The following MIPOL1 variants were observed in gnomAD, a reference collection of about 807,000 sequenced individuals.
MIPOL1 encodes mirror-image polydactyly 1.
In MIPOL1, 57 loss-of-function variants were observed where a neutral mutation model predicts 60.9. The ratio of observed to expected loss-of-function variants is 0.94; its 90% confidence interval spans 0.76 to 1.17. The LOEUF is 1.17. MIPOL1 is among the 50% of genes most tolerant of loss of function. The pLI, the probability that MIPOL1 is intolerant of heterozygous loss-of-function variation, is 0.00. For missense variants in MIPOL1, 551 were observed against 511.6 expected (o/e 1.08, Z -0.74); for synonymous variants, 179 against 168.8 (o/e 1.06, Z -0.47).
intron 7 of MIPOL1, among the ~76,000 whole-genome samples, chr14:37,296,949 G>A (rs150360677): frequency 0.028 from 4,309 of 152,088 alleles, 211 homozygotes; most frequent in African/African-American, 0.094. Flanking sequence ...TCCCTAACTC[G>A]TTTTATGAGG....
chr14:37,326,136 G>C (rs892963987), intron 9 of MIPOL1, among the ~76,000 whole-genome samples: 12 of 152,152 alleles, frequency 7.9e-5, no homozygotes, highest in African/African-American at 2.4e-4. Flanking sequence ...AATAGACTCT[G>C]ATACAGAGTA....
At chr14:37,432,329 G>A (rs560398626) in intron 11 of MIPOL1, among the ~76,000 whole-genome samples, 1 of 152,144 alleles carries the variant, frequency 6.6e-6, no homozygotes, top group South Asian at 2.1e-4. Context: ...TAGTGCTTCT[G>A]TTCTTTATGT....
At chr14:37,296,393 A>G (rs1468972547) in intron 7 of MIPOL1, among the ~76,000 whole-genome samples, 2 of 152,214 alleles carry the variant, frequency 1.3e-5, no homozygotes. Flanking sequence ...CAATTAAAAG[A>G]ACTAGAGAAG....
In MIPOL1 at chr14:37,340,580, C is replaced by A. The variant is rs12891735; in HGVS notation, c.829-28937C>A. On this transcript the variant is annotated intron_variant, in intron 9 of 12. Coordinates refer to ENST00000684589, the MANE Select transcript of MIPOL1 (RefSeq NM_001388067.1). ...CAGAAATTAGTTGGATGTGGTGGTG[C>A]GTGCCTGTAGTTCCAGCTCCTGCCT... Among the ~76,000 whole-genome samples the A allele has an allele frequency of 5.0e-3, 765 of 151,546 alleles. 5 individuals carry two copies. The highest frequency in any genetic ancestry group is 0.017 in the African/African-American group (719 of 41,288).
At chr14:37,537,578 C>A (rs1315826956) in intron 12 of MIPOL1, among the ~76,000 whole-genome samples, 1 of 152,016 alleles carries the variant, frequency 6.6e-6, no homozygotes, top group African/African-American at 2.4e-5. Flanking sequence ...TTGTGTAAAA[C>A]AAGATCAATT....
rs75501639 is a variant in MIPOL1 at position 37,411,188 on chromosome 14, T to C, written c.937-11667T>C. ...ATTAACATCAAATACAATTTGAAGC[T>C]ATGAGGTCTTAACATTTTGTTTATT... is the stretch of plus-strand genomic sequence containing the variant. On this transcript the variant is annotated intron_variant, in intron 10 of 12. Coordinates refer to ENST00000684589, the MANE Select transcript of MIPOL1 (RefSeq NM_001388067.1). Among the ~76,000 whole-genome samples, 461 of 152,304 alleles carry C rather than the reference T, an allele frequency of 3.0e-3. 3 individuals carry two copies. Among genetic ancestry groups the C allele is most frequent in the African/African-American group, 9.4e-3 (393 of 41,592 alleles).
At chr14:37,297,095 A>C (rs2085802037) in intron 7 of MIPOL1, among the ~76,000 whole-genome samples, 2 of 152,204 alleles carry the variant, frequency 1.3e-5, no homozygotes, top group Non-Finnish European at 2.9e-5. Flanking sequence ...CACATCAAAG[A>C]ACTTATCCAC....
At chr14:37,502,245 G>C (rs1386729666) in intron 12 of MIPOL1, 1 of 152,306 alleles carries the variant, frequency 6.6e-6, no homozygotes, top group East Asian at 1.9e-4. Flanking sequence ...GAGGGAAGTG[G>C]TTATCTCAGC....
At chr14:37,483,752 C>T (rs1336591998) in intron 11 of MIPOL1, among the ~76,000 whole-genome samples, 1 of 152,072 alleles carries the variant, frequency 6.6e-6, no homozygotes. Context: ...CCTCCTGCCT[C>T]AGCCTCCCGA....
At chr14:37,262,057 T>C (rs1045790078) in intron 3 of MIPOL1, among the ~76,000 whole-genome samples, 1 of 152,020 alleles carries the variant, frequency 6.6e-6, no homozygotes, top group Non-Finnish European at 1.5e-5. Flanking sequence ...GAAAAACACA[T>C]ATAATATACA....
At chr14:37,320,874 G>A (rs2088510124) in intron 9 of MIPOL1, among the ~76,000 whole-genome samples, 2 of 151,996 alleles carry the variant, frequency 1.3e-5, no homozygotes, top group African/African-American at 2.4e-5. Flanking sequence ...TCCCAACAAC[G>A]AATTGCAGTA....
chr14:37,305,145 T>C (rs565660142), intron 7 of MIPOL1, among the ~76,000 whole-genome samples: 1 of 151,944 alleles, frequency 6.6e-6, no homozygotes, highest in South Asian at 2.1e-4. Flanking sequence ...TGTCTAAGTT[T>C]TGTGTTGTTT....
intron 10 of MIPOL1, among the ~76,000 whole-genome samples, chr14:37,376,247 G>C (rs1018146708): frequency 6.6e-6 from 1 of 151,966 alleles, no homozygotes; most frequent in Admixed American, 6.6e-5. Flanking sequence ...ACATTGAGTG[G>C]CTTTTGATAA....
At chr14:37,427,671 A>G (rs2093988257) in intron 11 of MIPOL1, among the ~76,000 whole-genome samples, 1 of 152,110 alleles carries the variant, frequency 6.6e-6, no homozygotes, top group South Asian at 2.1e-4. Context: ...GATTCCTGGG[A>G]TGTACAACTC....
At chr14:37,251,069 A>G (rs549968328) in intron 3 of MIPOL1, among the ~76,000 whole-genome samples, 24 of 152,094 alleles carry the variant, frequency 1.6e-4, no homozygotes, top group Non-Finnish European at 3.1e-4. Context: ...TTTTATATGT[A>G]TATTTTTTAA....
At chr14:37,461,548 A>G (rs2094538837) in intron 11 of MIPOL1, among the ~76,000 whole-genome samples, 1 of 152,158 alleles carries the variant, frequency 6.6e-6, no homozygotes, top group Admixed American at 6.5e-5. Flanking sequence ...ATATCTTCAC[A>G]TTTCAAAACC....
At chr14:37,234,035 A>T (rs1275009958) in intron 1 of MIPOL1, among the ~76,000 whole-genome samples, 1 of 152,182 alleles carries the variant, frequency 6.6e-6, no homozygotes, top group East Asian at 1.9e-4. Flanking sequence ...CTTCAAAGAA[A>T]TGCTTCAGGA....
intron 7 of MIPOL1, among the ~76,000 whole-genome samples, chr14:37,297,051 C>A (rs1026466721): frequency 6.6e-6 from 1 of 152,128 alleles, no homozygotes; most frequent in African/African-American, 2.4e-5. Flanking sequence ...ATGCAAAAAT[C>A]CTCAATAAAA....
chr14:37,374,041 A>G (rs924535794), intron 10 of MIPOL1, among the ~76,000 whole-genome samples: 7 of 152,014 alleles, frequency 4.6e-5, no homozygotes, highest in Admixed American at 3.9e-4. Context: ...CCTCTCCACC[A>G]TCTGTTGTTT....
Sources: allele counts gnomAD v4.1 joint callset (sites outside exome capture counted in the v4.1 genomes callset), GRCh38; gene constraint gnomAD v4.1.1; transcripts MANE v1.5; gene names NCBI Gene and HGNC (gene_info 2026-07-23, HGNC 2026-07-21).